Variants in CALCR observed in about 807,000 individuals in gnomAD.
CALCR encodes calcitonin receptor.
Under a neutral mutation model 59.5 loss-of-function variants are expected in CALCR, and 47 were observed. The observed-to-expected ratio is 0.79, with a 90% CI of 0.63 to 1.01. The LOEUF is 1.01. CALCR is among the 50% of genes least tolerant of loss of function. The pLI is 0.00. For missense variants in CALCR, 566 were observed against 597.1 expected (o/e 0.95, Z 0.54); for synonymous variants, 213 against 211.3 (o/e 1.01, Z -0.07).
chr7:93,547,170 T>G (rs991100498), intron 2 of CALCR, among the ~76,000 whole-genome samples: 4 of 152,124 alleles, frequency 2.6e-5, no homozygotes, highest in Non-Finnish European at 5.9e-5. Context: ...TCTTGGTAGA[T>G]CTGGATCAAA....
chr7:93,441,598 G>C (rs1048236184), intron 9 of CALCR: 4 of 451,598 alleles, frequency 8.9e-6, no homozygotes, highest in Non-Finnish European at 1.8e-5. Flanking sequence ...AGTAAATTTT[G>C]ACCTGTTTTA....
chr7:93,524,010 A>T (rs1801821016), intron 2 of CALCR, among the ~76,000 whole-genome samples: 1 of 152,026 alleles, frequency 6.6e-6, no homozygotes, highest in South Asian at 2.1e-4. Flanking sequence ...ATAACACTAT[A>T]TAATTACATT....
chr7:93,524,226 G>A (rs1490534305), intron 2 of CALCR, among the ~76,000 whole-genome samples: 1 of 148,458 alleles, frequency 6.7e-6, no homozygotes, highest in Non-Finnish European at 1.5e-5. Flanking sequence ...CTGGAGTGCA[G>A]TGGCATGATC....
At chr7:93,540,672 T>TAAGGAAA (rs11283270) in intron 2 of CALCR, among the ~76,000 whole-genome samples, 3 of 61,702 alleles carry the variant, frequency 4.9e-5, no homozygotes, top group Admixed American at 1.5e-4. Flanking sequence ...ATGACAGCTC[T>TAAGGAAA]AAGTTATACA....
At chr7:93,473,375 C>T (rs904949025) in intron 5 of CALCR, among the ~76,000 whole-genome samples, 11 of 151,648 alleles carry the variant, frequency 7.3e-5, no homozygotes, top group East Asian at 1.9e-4. Flanking sequence ...GAATCAAATC[C>T]GAGTCTACTT....
chr7:93,452,354 G>C (rs1299247629), intron 8 of CALCR, among the ~76,000 whole-genome samples: 1 of 151,900 alleles, frequency 6.6e-6, no homozygotes. Flanking sequence ...ACCTCATAAG[G>C]AGGAATTACA....
At chr7:93,513,204 G>C (rs1410682837) in intron 2 of CALCR, among the ~76,000 whole-genome samples, 2 of 152,056 alleles carry the variant, frequency 1.3e-5, no homozygotes, top group East Asian at 1.9e-4. Flanking sequence ...GAGGAAATTA[G>C]GGTACCTATG....
chr7:93,540,398 C>A (rs1340466451), intron 2 of CALCR, among the ~76,000 whole-genome samples: 1 of 151,930 alleles, frequency 6.6e-6, no homozygotes, highest in East Asian at 1.9e-4. Context: ...ATATATGGTA[C>A]CATGTAATAA....
intron 2 of CALCR, among the ~76,000 whole-genome samples, chr7:93,558,287 T>G (rs1465276697): frequency 6.6e-6 from 1 of 152,072 alleles, no homozygotes; most frequent in Admixed American, 6.6e-5. Flanking sequence ...TATAAAATTA[T>G]TCTTCCAGTA....
At chr7:93,555,424 C>A (rs1379962458) in intron 2 of CALCR, among the ~76,000 whole-genome samples, 1 of 152,096 alleles carries the variant, frequency 6.6e-6, no homozygotes, top group African/African-American at 2.4e-5. Flanking sequence ...AGCCTGCATA[C>A]TCCTGGGGTC....
At chr7:93,428,660 G>C (rs1028439198) in intron 13 of CALCR, among the ~76,000 whole-genome samples, 1 of 151,746 alleles carries the variant, frequency 6.6e-6, no homozygotes, top group Non-Finnish European at 1.5e-5. Context: ...ATTAGCCGGC[G>C]CCTGTAGTCC....
chr7:93,437,050 CTA>C (rs1799796111), intron 11 of CALCR, among the ~76,000 whole-genome samples: 1 of 151,634 alleles, frequency 6.6e-6, no homozygotes, highest in Non-Finnish European at 1.5e-5. Context: ...TTGAAATGCA[CTA>C]ATGTGCATTT....
chr7:93,470,262 C>A (rs1260631619), intron 6 of CALCR, among the ~76,000 whole-genome samples: 1 of 133,784 alleles, frequency 7.5e-6, no homozygotes. Flanking sequence ...ATCTTATACA[C>A]ACACACACAC....
intron 2 of CALCR, among the ~76,000 whole-genome samples, chr7:93,494,308 A>G (rs941612749): frequency 1.2e-4 from 18 of 151,376 alleles, no homozygotes; most frequent in African/African-American, 4.4e-4. Flanking sequence ...ATTGGAGGCA[A>G]TGGGAGACTT....
chr7:93,428,593 G>A (rs935253423), intron 13 of CALCR, among the ~76,000 whole-genome samples: 6 of 152,168 alleles, frequency 3.9e-5, no homozygotes, highest in Non-Finnish European at 8.8e-5. Flanking sequence ...GAGATCAGGA[G>A]ATCGAGACCA....
chr7:93,495,790 T>C (rs1019182574), intron 2 of CALCR: 17 of 938,694 alleles, frequency 1.8e-5, no homozygotes, highest in Non-Finnish European at 2.6e-5. Flanking sequence ...AGCCTAAAAA[T>C]CTGATTGTTG....
intron 3 of CALCR, chr7:93,482,782 A>T (rs772052954): frequency 1.9e-6 from 1 of 533,684 alleles, no homozygotes; most frequent in East Asian, 5.5e-5. Flanking sequence ...TCATTCTTGC[A>T]ATATTGAAAC....
intron 2 of CALCR, among the ~76,000 whole-genome samples, chr7:93,568,509 T>TTCTCTCTC (rs4015269): frequency 0.022 from 2,292 of 102,204 alleles, 136 homozygotes; most frequent in Non-Finnish European, 0.025. Context: ...TAAAATTACT[T>TTCTCTCTC]TCTCTCTCTC....
In CALCR at chr7:93,435,972, G is replaced by A; in HGVS notation, c.1129C>T (p.His377Tyr). 6.2e-7 allele frequency: 1 copy of A among 1,608,366 alleles called. No homozygotes were observed. The highest frequency in any genetic ancestry group is 8.5e-7 in the Non-Finnish European group (1 of 1,174,788). The change falls in exon 12 of 14, where the codon CAC becomes TAC. Residue 377 changes from histidine (H) to tyrosine (Y), a missense_variant. Coordinates refer to ENST00000426151, the MANE Select transcript of CALCR (RefSeq NM_001742.4). ...MLGKIYDYVM[H>Y]SLIHFQGFFV... ...CTTACCTGGAAATGAATCAGAGAGT[G>A]CATCACGTAATCATATATCTTCCCA...
Sources: gnomAD v4.1 joint callset for allele counts (sites outside exome capture counted in the v4.1 genomes callset) on GRCh38, gnomAD v4.1.1 for gene constraint, MANE v1.5 for transcripts, NCBI Gene and HGNC (gene_info 2026-07-23, HGNC 2026-07-21) for gene names.